Variants in SEMA5A observed in about 807,000 individuals in gnomAD.
SEMA5A encodes semaphorin-5A.
In SEMA5A, 55 loss-of-function variants were observed where a neutral mutation model predicts 135.5. The ratio of observed to expected loss-of-function variants is 0.41; its 90% CI spans 0.33 to 0.51. The LOEUF is 0.51. Ranked by LOEUF, SEMA5A falls within the 20% of genes least tolerant of loss-of-function variation. The pLI is 0.37. For missense variants in SEMA5A, 1,290 were observed against 1,419.9 expected (o/e 0.91, Z 1.47); for synonymous variants, 580 against 546.5 (o/e 1.06, Z -0.85).
chr5:9,445,524 C>G (rs2126690593), intron 1 of SEMA5A, among the ~76,000 whole-genome samples: 1 of 152,138 alleles, frequency 6.6e-6, no homozygotes, highest in South Asian at 2.1e-4. Flanking sequence ...AAAAAATTAG[C>G]CGGGTGTGGT....
At position 9,507,907 on chromosome 5, in the gene SEMA5A, G is replaced by C. The variant is rs541790909; in HGVS notation, c.-175+37677C>G. Among the ~76,000 whole-genome samples, 609 of 152,032 alleles carry C rather than the reference G, an allele frequency of 4.0e-3. 3 individuals are homozygous for C. The highest frequency in any genetic ancestry group is 0.014 in the African/African-American group (582 of 41,458). On this transcript the variant is annotated intron_variant, in intron 1 of 22. Transcript: ENST00000382496. ...TAGTCCCAGCTACTCGGGAGGCTGA[G>C]GCAGGAGAATGACATGAACCCAGGA...
intron 2 of SEMA5A, among the ~76,000 whole-genome samples, chr5:9,388,692 G>A (rs920691856): frequency 1.3e-5 from 2 of 152,070 alleles, no homozygotes; most frequent in Non-Finnish European, 2.9e-5. Context: ...GAGGTCAGAA[G>A]ATCAAGACCA....
intron 4 of SEMA5A, among the ~76,000 whole-genome samples, chr5:9,318,650 C>T (rs1378475809): frequency 1.3e-5 from 2 of 152,144 alleles, no homozygotes; most frequent in East Asian, 1.9e-4. Flanking sequence ...TGGGGTGTGT[C>T]TGTACATACT....
intron 5 of SEMA5A, among the ~76,000 whole-genome samples, chr5:9,300,991 T>G (rs1461865763): frequency 6.6e-6 from 1 of 152,182 alleles, no homozygotes; most frequent in African/African-American, 2.4e-5. Context: ...AGCCACCAAA[T>G]TTGTGGTAAT....
At chr5:9,408,602 C>G (rs968225098) in intron 2 of SEMA5A, among the ~76,000 whole-genome samples, 3 of 152,164 alleles carry the variant, frequency 2.0e-5, no homozygotes, top group African/African-American at 7.2e-5. Context: ...AGGCATGGTA[C>G]TAAGTATTTT....
intron 7 of SEMA5A, among the ~76,000 whole-genome samples, chr5:9,226,116 A>C (rs1262843817): frequency 6.6e-6 from 1 of 151,912 alleles, no homozygotes; most frequent in South Asian, 2.1e-4. Context: ...TTATCATCCA[A>C]CTCCTCCCTT....
intron 10 of SEMA5A, among the ~76,000 whole-genome samples, chr5:9,190,842 T>C (rs1806091): frequency 0.3 from 45,405 of 152,078 alleles, 8,070 homozygotes; most frequent in East Asian, 0.57. Context: ...CCTGACAAAT[T>C]AGGTAGCAAA....
At chr5:9,365,434 T>A (rs1236405940) in intron 3 of SEMA5A, among the ~76,000 whole-genome samples, 4 of 152,204 alleles carry the variant, frequency 2.6e-5, no homozygotes, top group African/African-American at 9.7e-5. Context: ...ACTGTACTGA[T>A]CCTGTCTTTA....
chr5:9,446,759 T>C (rs1227462531), intron 1 of SEMA5A, among the ~76,000 whole-genome samples: 9 of 152,240 alleles, frequency 5.9e-5, no homozygotes, highest in Non-Finnish European at 1.5e-5. Context: ...TAACTCTAGA[T>C]CTAAATTTAA....
chr5:9,328,007 T>A (rs1277025707), intron 4 of SEMA5A, among the ~76,000 whole-genome samples: 1 of 152,214 alleles, frequency 6.6e-6, no homozygotes, highest in Non-Finnish European at 1.5e-5. Flanking sequence ...ACAATTAATT[T>A]TCTAGGTTAT....
intron 21 of SEMA5A, among the ~76,000 whole-genome samples, chr5:9,045,342 C>G (rs1333165770): frequency 6.6e-6 from 1 of 152,222 alleles, no homozygotes; most frequent in Non-Finnish European, 1.5e-5. Flanking sequence ...CTTTTCTAAT[C>G]TACTGCTCGC....
chr5:9,173,442 C>T (rs1017329494), intron 11 of SEMA5A, among the ~76,000 whole-genome samples: 1 of 152,090 alleles, frequency 6.6e-6, no homozygotes, highest in Admixed American at 6.6e-5. Context: ...TCTCATAGTT[C>T]TAAAGCCTGG....
intron 2 of SEMA5A, among the ~76,000 whole-genome samples, chr5:9,402,857 T>C (rs1446415443): frequency 6.6e-6 from 1 of 152,194 alleles, no homozygotes; most frequent in Non-Finnish European, 1.5e-5. Context: ...TTTTCTCTCA[T>C]GTATCCTCAA....
rs1352716201 is a variant in SEMA5A, at chr5:9,037,557, TTAATA to T, written c.*5335_*5339del. 6.6e-6 allele frequency: 1 copy of T among 152,210 alleles called. No individual in the cohort carries two copies. Among genetic ancestry groups the T allele is most frequent in the African/African-American group, 2.4e-5 (1 of 41,454 alleles). The allele number at this position is 152,210 out of a possible 1,614,324, so 9.4% of individuals were successfully genotyped here. ...CTAAAACAATGTGTACAATGCATCT[TTAATA>T]TAAGTCCATAGGAAAGGAGTATTTA... On this transcript the variant is annotated 3_prime_UTR_variant, in exon 23 of 23. Coordinates refer to ENST00000382496, the MANE Select transcript of SEMA5A (RefSeq NM_003966.3).
At chr5:9,224,999 G>A (rs539197690) in intron 7 of SEMA5A, 112 bp from the exon 8 acceptor site, 4 of 987,734 alleles carry the variant, frequency 4.0e-6, no homozygotes, top group East Asian at 5.2e-5. Flanking sequence ...GCCTCTCGGG[G>A]GCCCATGGGG....
chr5:9,057,276 G>A (rs1197931964), intron 18 of SEMA5A, among the ~76,000 whole-genome samples: 2 of 152,204 alleles, frequency 1.3e-5, no homozygotes, highest in Non-Finnish European at 2.9e-5. Flanking sequence ...TAGATTTTAT[G>A]TTGAGTATTC....
intron 1 of SEMA5A, among the ~76,000 whole-genome samples, chr5:9,470,677 A>G (rs1759442744): frequency 6.6e-6 from 1 of 152,150 alleles, no homozygotes; most frequent in Non-Finnish European, 1.5e-5. Flanking sequence ...TCCCAGGGTC[A>G]ATGGACCATA....
chr5:9,343,484 T>C (rs549443543), intron 3 of SEMA5A, among the ~76,000 whole-genome samples: 1 of 152,138 alleles, frequency 6.6e-6, no homozygotes, highest in African/African-American at 2.4e-5. Context: ...ACAGGGCATA[T>C]TCTCTGTGGA....
At chr5:9,140,867 C>T (rs1327583004) in intron 12 of SEMA5A, among the ~76,000 whole-genome samples, 3 of 152,134 alleles carry the variant, frequency 2.0e-5, no homozygotes, top group African/African-American at 7.2e-5. Context: ...ATTCCACGGG[C>T]TCCTCACGTT....
Sources: gnomAD v4.1 joint callset for allele counts (sites outside exome capture counted in the v4.1 genomes callset) on GRCh38, gnomAD v4.1.1 for gene constraint, MANE v1.5 for transcripts, NCBI Gene and HGNC (gene_info 2026-07-23, HGNC 2026-07-21) for gene names.